Variants in LYPD6B observed in about 807,000 individuals in gnomAD.
LYPD6B encodes ly6/PLAUR domain-containing protein 6B.
LYPD6B carries 17 observed loss-of-function variants against 22.8 expected under a neutral mutation model. The observed-to-expected ratio is 0.75, with a 90% CI of 0.51 to 1.12. The LOEUF (loss-of-function observed/expected upper bound fraction) is 1.12. Ranked by LOEUF, LYPD6B falls within the 50% of genes most tolerant of loss-of-function variation. LYPD6B has a pLI of 0.00. For synonymous variants in LYPD6B, 106 were observed against 91.6 expected, an observed-to-expected ratio of 1.16 and a Z score of -0.90; for missense variants, 221 against 258.3, an observed-to-expected ratio of 0.86 and a Z score of 0.99.
intron 1 of LYPD6B, among the ~76,000 whole-genome samples, chr2:149,085,067 C>T (rs141382933): frequency 4.5e-4 from 68 of 152,356 alleles, no homozygotes; most frequent in African/African-American, 1.3e-3. Flanking sequence ...CAGCATCTCA[C>T]GCTCTCTGAG....
At chr2:149,164,401 A>T (rs1044464901) in intron 3 of LYPD6B, among the ~76,000 whole-genome samples, 3 of 152,082 alleles carry the variant, frequency 2.0e-5, no homozygotes, top group African/African-American at 7.2e-5. Context: ...ACATATCTGG[A>T]CCATGGATAT....
chr2:149,151,606 C>T (rs1689384595), intron 2 of LYPD6B, among the ~76,000 whole-genome samples: 1 of 152,166 alleles, frequency 6.6e-6, no homozygotes, highest in South Asian at 2.1e-4. Flanking sequence ...CGATGGATGT[C>T]CTTAGGTGCC....
intron 1 of LYPD6B, among the ~76,000 whole-genome samples, chr2:149,090,336 A>G (rs1484836152): frequency 2.0e-5 from 3 of 152,224 alleles, no homozygotes; most frequent in Admixed American, 6.5e-5. Context: ...GTTCCGATAT[A>G]ATTTTCAACT....
intron 1 of LYPD6B, among the ~76,000 whole-genome samples, chr2:149,080,431 G>C (rs1036666301): frequency 6.6e-6 from 1 of 152,150 alleles, no homozygotes; most frequent in Non-Finnish European, 1.5e-5. Context: ...TACATTTTGT[G>C]GGGGGAGCAC....
At chr2:149,095,873 A>G (rs1685880986) in intron 1 of LYPD6B, among the ~76,000 whole-genome samples, 1 of 152,012 alleles carries the variant, frequency 6.6e-6, no homozygotes, top group Admixed American at 6.6e-5. Flanking sequence ...ATAGGCAGAC[A>G]GACAGAGAGA....
chr2:149,068,663 T>G, intron 1 of LYPD6B: 1 of 543,784 alleles, frequency 1.8e-6, no homozygotes, highest in Non-Finnish European at 3.7e-6. Context: ...ACCTACCTTT[T>G]GTCCCTTCTT....
chr2:149,120,325 G>A (rs1280492073), intron 1 of LYPD6B, among the ~76,000 whole-genome samples: 1 of 120,852 alleles, frequency 8.3e-6, no homozygotes, highest in Non-Finnish European at 1.7e-5. Context: ...ATATATATGT[G>A]TATATATATA....
intron 1 of LYPD6B, among the ~76,000 whole-genome samples, chr2:149,041,378 C>T (rs898891763): frequency 6.6e-6 from 1 of 152,196 alleles, no homozygotes; most frequent in African/African-American, 2.4e-5. Flanking sequence ...GCTGCTTAAT[C>T]TTTCTCTAGA....
At chr2:149,099,918 T>G (rs773018002) in intron 1 of LYPD6B, among the ~76,000 whole-genome samples, 8 of 152,220 alleles carry the variant, frequency 5.3e-5, no homozygotes, top group Non-Finnish European at 1.2e-4. Context: ...AAGTGTTTTC[T>G]GTGGTCACAC....
intron 1 of LYPD6B, among the ~76,000 whole-genome samples, chr2:149,039,197 C>T (rs1574854597): frequency 6.6e-6 from 1 of 152,244 alleles, no homozygotes; most frequent in African/African-American, 2.4e-5. Flanking sequence ...GGGTTCAAGG[C>T]CGATCGTGGG....
chr2:149,162,673 C>T (rs911912703), intron 3 of LYPD6B, among the ~76,000 whole-genome samples: 2 of 152,134 alleles, frequency 1.3e-5, no homozygotes, highest in African/African-American at 4.8e-5. Flanking sequence ...GTAAAAATCA[C>T]CCAATTTTAA....
chr2:149,130,367 T>C (rs1402885018), intron 1 of LYPD6B, among the ~76,000 whole-genome samples: 1 of 152,216 alleles, frequency 6.6e-6, no homozygotes, highest in East Asian at 1.9e-4. Context: ...GCTTGGGTCC[T>C]ATAGCCATAT....
At chr2:149,140,929 T>C (rs1157193972) in intron 2 of LYPD6B, among the ~76,000 whole-genome samples, 1 of 152,168 alleles carries the variant, frequency 6.6e-6, no homozygotes, top group Non-Finnish European at 1.5e-5. Flanking sequence ...CATAAAACAA[T>C]GTTTACATTT....
chr2:149,099,102 A>T (rs374214700), intron 1 of LYPD6B, among the ~76,000 whole-genome samples: 5 of 152,162 alleles, frequency 3.3e-5, no homozygotes, highest in African/African-American at 9.7e-5. Context: ...GGCCCATTGG[A>T]CTAGGGAGGA....
intron 1 of LYPD6B, among the ~76,000 whole-genome samples, chr2:149,114,863 C>T (rs1333162904): frequency 6.6e-6 from 1 of 152,076 alleles, no homozygotes; most frequent in Admixed American, 6.5e-5. Flanking sequence ...CCTCATTTTC[C>T]CCCTAGTTAA....
chr2:149,134,421 GA>G (rs768004134), intron 2 of LYPD6B, among the ~76,000 whole-genome samples: 1 of 152,196 alleles, frequency 6.6e-6, no homozygotes, highest in Non-Finnish European at 1.5e-5. Flanking sequence ...GAAAGCCACA[GA>G]AAAGACTCCA....
At chr2:149,152,753 T>G (rs387667) in intron 2 of LYPD6B, among the ~76,000 whole-genome samples, 98,832 of 151,998 alleles carry the variant, frequency 0.65, 32,291 homozygotes, top group South Asian at 0.76. Context: ...GAAGCTAGAG[T>G]TTCTTCAGAG....
intron 3 of LYPD6B, among the ~76,000 whole-genome samples, chr2:149,194,271 C>T (rs1288036887): frequency 6.6e-6 from 1 of 152,120 alleles, no homozygotes; most frequent in Non-Finnish European, 1.5e-5. Context: ...AGAGGCTACT[C>T]TTTATTCGTT....
intron 1 of LYPD6B, among the ~76,000 whole-genome samples, chr2:149,047,025 A>G (rs1683338971): frequency 6.6e-6 from 1 of 152,338 alleles, no homozygotes; most frequent in South Asian, 2.1e-4. Context: ...AAAACAGACC[A>G]GGGGCTAGGT....
Sources: allele counts gnomAD v4.1 joint callset (sites outside exome capture counted in the v4.1 genomes callset), GRCh38; gene constraint gnomAD v4.1.1; transcripts MANE v1.5; gene names NCBI Gene and HGNC (gene_info 2026-07-23, HGNC 2026-07-21).